Variants in ENTREP2 observed in about 807,000 individuals in gnomAD.
ENTREP2 encodes endosomal transmembrane epsin interactor 2, also known as protein ENTREP2.
chr15:29,128,970 G>C, the ENTREP2 span: 1 of 686,440 alleles, frequency 1.5e-6, no homozygotes, highest in East Asian at 2.7e-5. Context: ...GGGAAGCGCT[G>C]AGAGACGTTC....
chr15:29,157,019 C>T, the ENTREP2 span, among the ~76,000 whole-genome samples: 2 of 152,088 alleles, frequency 1.3e-5, no homozygotes, highest in African/African-American at 4.8e-5. Flanking sequence ...ATCGGTTGAA[C>T]CTGGGAGGTG....
the ENTREP2 span, among the ~76,000 whole-genome samples, chr15:29,248,990 T>C: frequency 6.6e-6 from 1 of 152,254 alleles, no homozygotes; most frequent in Non-Finnish European, 1.5e-5. Context: ...TTCATACATA[T>C]AGAGTAGTCA....
the ENTREP2 span, among the ~76,000 whole-genome samples, chr15:29,411,251 C>T: frequency 6.6e-6 from 1 of 152,102 alleles, no homozygotes; most frequent in Non-Finnish European, 1.5e-5. Context: ...TGTGCATGTT[C>T]AGCTATAGAA....
chr15:29,414,355 C>A, the ENTREP2 span, among the ~76,000 whole-genome samples: 1 of 152,154 alleles, frequency 6.6e-6, no homozygotes, highest in South Asian at 2.1e-4. Context: ...TCACTCAAAA[C>A]CACTCAACTA....
the ENTREP2 span, among the ~76,000 whole-genome samples, chr15:29,210,884 T>C: frequency 3.9e-5 from 6 of 152,234 alleles, no homozygotes; most frequent in African/African-American, 1.4e-4. Flanking sequence ...AACTTAAAGA[T>C]GATACAGCCT....
chr15:29,329,117 T>C, the ENTREP2 span, among the ~76,000 whole-genome samples: 1 of 152,050 alleles, frequency 6.6e-6, no homozygotes, highest in African/African-American at 2.4e-5. Context: ...AACCCCAGCA[T>C]TTTGGGAGGC....
At chr15:29,437,847 G>C in the ENTREP2 span, among the ~76,000 whole-genome samples, 1 of 152,284 alleles carries the variant, frequency 6.6e-6, no homozygotes, top group South Asian at 2.1e-4. Flanking sequence ...CTCCCATCCA[G>C]TCCTAAACAT....
chr15:29,668,242 G>T, the ENTREP2 span, among the ~76,000 whole-genome samples: 32 of 152,326 alleles, frequency 2.1e-4, no homozygotes, highest in Admixed American at 2.6e-4. Flanking sequence ...CCACTGCATT[G>T]TCTGCTATTG....
chr15:29,390,738 G>A, the ENTREP2 span, among the ~76,000 whole-genome samples: 1 of 152,196 alleles, frequency 6.6e-6, no homozygotes, highest in African/African-American at 2.4e-5. Flanking sequence ...CTCTAACACT[G>A]AAAAGTTCTT....
chr15:29,371,452 A>G, the ENTREP2 span, among the ~76,000 whole-genome samples: 1 of 152,172 alleles, frequency 6.6e-6, no homozygotes, highest in East Asian at 1.9e-4. Context: ...TTGTAAATAT[A>G]AATAGGACAA....
the ENTREP2 span, among the ~76,000 whole-genome samples, chr15:29,414,507 G>C: frequency 6.6e-6 from 1 of 152,124 alleles, no homozygotes; most frequent in Admixed American, 6.6e-5. Context: ...GCAGTGTGTA[G>C]AGGGAAATTT....
the ENTREP2 span, among the ~76,000 whole-genome samples, chr15:29,320,201 C>G: frequency 6.6e-6 from 1 of 152,046 alleles, no homozygotes; most frequent in African/African-American, 2.4e-5. Context: ...GTAAAACACA[C>G]CACACACACA....
the ENTREP2 span, among the ~76,000 whole-genome samples, chr15:29,368,108 T>TGA: frequency 6.6e-6 from 1 of 151,932 alleles, no homozygotes; most frequent in African/African-American, 2.4e-5. Flanking sequence ...AGATCACTCT[T>TGA]GAGGTCAGGA....
At chr15:29,135,674 G>A in the ENTREP2 span, among the ~76,000 whole-genome samples, 1 of 152,162 alleles carries the variant, frequency 6.6e-6, no homozygotes, top group African/African-American at 2.4e-5. The surrounding 1 kb of genome is among the most constrained non-coding windows in gnomAD (Gnocchi z 7.4). Flanking sequence ...TTTTACAGAT[G>A]AGGAAACTGA....
the ENTREP2 span, among the ~76,000 whole-genome samples, chr15:29,408,842 T>C: frequency 1.2e-4 from 19 of 152,224 alleles, no homozygotes; most frequent in Admixed American, 2.6e-4. Flanking sequence ...ACAATTTTAC[T>C]ATATTTGCTT....
chr15:29,397,128 C>T, the ENTREP2 span, among the ~76,000 whole-genome samples: 1 of 152,164 alleles, frequency 6.6e-6, no homozygotes, highest in African/African-American at 2.4e-5. Flanking sequence ...GGGTGGCTCA[C>T]ACCTGTAATC....
At chr15:29,244,568 T>C in the ENTREP2 span, among the ~76,000 whole-genome samples, 17 of 152,332 alleles carry the variant, frequency 1.1e-4, no homozygotes, top group African/African-American at 3.6e-4. Flanking sequence ...TGGAAGGCTG[T>C]GGTCATCTCA....
At chr15:29,216,243 A>G in the ENTREP2 span, among the ~76,000 whole-genome samples, 5 of 152,218 alleles carry the variant, frequency 3.3e-5, no homozygotes, top group African/African-American at 9.6e-5. Context: ...TTCACTGGAT[A>G]CAAAATTCTT....
chr15:29,666,417 A>C, the ENTREP2 span, among the ~76,000 whole-genome samples: 4 of 138,438 alleles, frequency 2.9e-5, no homozygotes, highest in Non-Finnish European at 3.1e-5. Context: ...CCCCCCACTC[A>C]CCCCCACCCT....
Sources: allele counts gnomAD v4.1 joint callset (sites outside exome capture counted in the v4.1 genomes callset), GRCh38; gene constraint gnomAD v4.1.1; non-coding constraint Gnocchi (gnomAD v3.1); transcripts MANE v1.5; gene names NCBI Gene and HGNC (gene_info 2026-07-23, HGNC 2026-07-21).